The following CSMD2 variants were observed in gnomAD, a reference collection of about 807,000 sequenced individuals.
CSMD2 encodes the protein CUB and Sushi multiple domains 2.
A neutral mutation model predicts 398.5 loss-of-function variants in CSMD2; 130 were observed. The observed-to-expected ratio is 0.33, with a 90% CI of 0.28 to 0.38. The LOEUF is 0.38. Ranked by LOEUF, CSMD2 falls within the 10% of genes least tolerant of loss-of-function variation. CSMD2 has a pLI of 1.00. For missense variants in CSMD2, 3,829 were observed against 4,764.9 expected, an observed-to-expected ratio of 0.80 and a Z score of 5.78; for synonymous variants, 1,828 against 1,908.5, an observed-to-expected ratio of 0.96 and a Z score of 1.10.
At chr1:33,807,181 T>C (rs1322392503) in intron 10 of CSMD2, among the ~76,000 whole-genome samples, 3 of 152,204 alleles carry the variant, frequency 2.0e-5, no homozygotes, top group Admixed American at 2.0e-4. Flanking sequence ...AATATTTCCA[T>C]GTGCAGAGAG....
chr1:33,892,344 T>G (rs1183582425), intron 5 of CSMD2, among the ~76,000 whole-genome samples: 1 of 152,220 alleles, frequency 6.6e-6, no homozygotes, highest in Non-Finnish European at 1.5e-5. Context: ...TCAATAGTTT[T>G]TGGGTGTACA....
intron 1 of CSMD2, among the ~76,000 whole-genome samples, chr1:34,101,273 T>C (rs55978649): frequency 0.018 from 2,711 of 152,274 alleles, 47 homozygotes; most frequent in East Asian, 0.053. Context: ...TGCTTTGAGT[T>C]TCTGGTCAAT....
At chr1:33,677,320 C>G (rs1042030640) in intron 25 of CSMD2, among the ~76,000 whole-genome samples, 1 of 152,156 alleles carries the variant, frequency 6.6e-6, no homozygotes, top group Non-Finnish European at 1.5e-5. Context: ...AGATACTTCT[C>G]AAAAGAAGAC....
At chr1:33,644,141 C>T (rs1004153899) in intron 29 of CSMD2, among the ~76,000 whole-genome samples, 1 of 151,682 alleles carries the variant, frequency 6.6e-6, no homozygotes, top group Admixed American at 6.6e-5. Context: ...AGGTCTTATT[C>T]CCCGGGTTAT....
intron 55 of CSMD2, among the ~76,000 whole-genome samples, chr1:33,554,625 C>A (rs1657787102): frequency 6.6e-6 from 1 of 152,146 alleles, no homozygotes. Context: ...GGAGCCAATG[C>A]TCATTTACCC....
At chr1:33,890,838 G>C (rs1350841751) in intron 5 of CSMD2, among the ~76,000 whole-genome samples, 5 of 152,058 alleles carry the variant, frequency 3.3e-5, no homozygotes, top group Non-Finnish European at 7.4e-5. Flanking sequence ...AAACTGGCTA[G>C]CCATATGCAG....
intron 1 of CSMD2, among the ~76,000 whole-genome samples, chr1:34,159,557 C>T (rs890531628): frequency 2.0e-5 from 3 of 152,186 alleles, no homozygotes; most frequent in Admixed American, 6.5e-5. Flanking sequence ...AAAGATATGG[C>T]GTCAGCCAGG....
intron 2 of CSMD2, among the ~76,000 whole-genome samples, chr1:34,088,695 T>C (rs1003127720): frequency 2.0e-5 from 3 of 152,260 alleles, no homozygotes; most frequent in African/African-American, 7.2e-5. Context: ...TAATACACCC[T>C]GTGCATGAAA....
intron 3 of CSMD2, among the ~76,000 whole-genome samples, chr1:34,025,013 A>G (rs903055953): frequency 1.4e-4 from 22 of 152,122 alleles, no homozygotes; most frequent in Admixed American, 1.2e-3. Context: ...CTGGACCCCA[A>G]TTTATCTGCG....
At chr1:33,783,763 C>G (rs1382957469) in intron 12 of CSMD2, among the ~76,000 whole-genome samples, 1 of 152,052 alleles carries the variant, frequency 6.6e-6, no homozygotes, top group African/African-American at 2.4e-5. Flanking sequence ...GCTCTGTGCC[C>G]CCCAAAAAGA....
At chr1:34,051,524 T>C (rs2148224767) in intron 2 of CSMD2, among the ~76,000 whole-genome samples, 1 of 152,258 alleles carries the variant, frequency 6.6e-6, no homozygotes, top group African/African-American at 2.4e-5. Context: ...TTAAGTAATA[T>C]GTATTTGTTT....
chr1:33,613,966 A>C (rs903475101), intron 40 of CSMD2, among the ~76,000 whole-genome samples: 1 of 152,134 alleles, frequency 6.6e-6, no homozygotes, highest in Non-Finnish European at 1.5e-5. Flanking sequence ...ATAACCCCCC[A>C]AAACCAAAAA....
Position 34,033,163 on chromosome 1 carries a change from C to A in CSMD2, c.405-457G>T, listed in dbSNP as rs558666148. 2.0e-5 allele frequency among the ~76,000 whole-genome samples: 3 copies of A among 152,252 alleles called. No individual in the cohort carries two copies. The East Asian group carries it at 5.8e-4, about 29-fold the overall frequency. ...AGACTTTATTCTTTCAAAGGAATGTCTACTGCTTTTATAGAAATAAGTGCC... is the reference window on the plus strand; with the variant it reads ...AGACTTTATTCTTTCAAAGGAATGTATACTGCTTTTATAGAAATAAGTGCC... On this transcript the variant is annotated intron_variant, in intron 2 of 70. Coordinates refer to ENST00000373381, the MANE Select transcript of CSMD2 (RefSeq NM_001281956.2).
intron 4 of CSMD2, among the ~76,000 whole-genome samples, chr1:33,927,741 G>A (rs1378714897): frequency 6.6e-6 from 1 of 152,062 alleles, no homozygotes; most frequent in Non-Finnish European, 1.5e-5. Flanking sequence ...CTGGAGATGG[G>A]GTTTTCCAGG....
At chr1:33,581,354 T>TAAAAAAAA (rs35599517) in intron 47 of CSMD2, among the ~76,000 whole-genome samples, 4 of 84,216 alleles carry the variant, frequency 4.7e-5, no homozygotes, top group Non-Finnish European at 9.2e-5. Flanking sequence ...CCATCTTTAC[T>TAAAAAAAA]AAAAAAAAAA....
At chr1:33,726,770 G>A in intron 15 of CSMD2, 85 bp from the exon 16 acceptor site, 4 of 1,388,008 alleles carry the variant, frequency 2.9e-6, no homozygotes, top group Middle Eastern at 1.9e-4. Flanking sequence ...AATGTGTCAG[G>A]CAATAAGTAT....
rs1570993165 is a variant in CSMD2, at chr1:34,068,454, C to T, written c.404+20523G>A. Among the ~76,000 whole-genome samples, 3 of 152,212 alleles carry T rather than the reference C, an allele frequency of 2.0e-5. No individual in the cohort carries two copies. The South Asian group carries it at 6.2e-4, about 32-fold the overall frequency. On this transcript the variant is annotated intron_variant, in intron 2 of 70. Transcript: ENST00000373381. ...ATTAAAAAATTATTCATAATCAAGC[C>T]ATCCTCATACCCATGTTATTATTAG... is the stretch of plus-strand genomic sequence containing the variant.
At chr1:33,629,969 G>A (rs915563402) in intron 32 of CSMD2, among the ~76,000 whole-genome samples, 4 of 151,990 alleles carry the variant, frequency 2.6e-5, no homozygotes, top group African/African-American at 7.2e-5. Context: ...GGGAGGCTGA[G>A]GCAGGTAGAT....
intron 28 of CSMD2, among the ~76,000 whole-genome samples, chr1:33,651,142 C>A (rs1019150458): frequency 3.3e-5 from 5 of 151,908 alleles, no homozygotes; most frequent in African/African-American, 1.2e-4. Flanking sequence ...GCATGGGAGG[C>A]AAGATGGGGC....
Sources: allele counts gnomAD v4.1 joint callset (sites outside exome capture counted in the v4.1 genomes callset), GRCh38; gene constraint gnomAD v4.1.1; transcripts MANE v1.5; gene names NCBI Gene and HGNC (gene_info 2026-07-23, HGNC 2026-07-21).